The following ANO3 variants were observed in gnomAD, a reference collection of about 807,000 sequenced individuals.
ANO3 encodes anoctamin 3.
Under a neutral mutation model 144.8 loss-of-function variants are expected in ANO3, and 99 were observed. That is an observed-to-expected ratio of 0.68 (90% confidence interval 0.58 to 0.81). ANO3 has a LOEUF of 0.81. Ranked by LOEUF, ANO3 falls within the 30% of genes least tolerant of loss-of-function variation. ANO3 has a pLI of 0.00. For missense variants in ANO3, 905 were observed against 1,202.2 expected (o/e 0.75, Z 3.66); for synonymous variants, 414 against 392.6 (o/e 1.05, Z -0.64).
At chr11:26,563,719 T>A (rs1467556929) in intron 14 of ANO3, among the ~76,000 whole-genome samples, 1 of 151,824 alleles carries the variant, frequency 6.6e-6, no homozygotes, top group Non-Finnish European at 1.5e-5. Flanking sequence ...GAGTCCACCA[T>A]AAACAAATAA....
chr11:26,429,334 T>C (rs72886232), intron 1 of ANO3, among the ~76,000 whole-genome samples: 7,957 of 151,908 alleles, frequency 0.052, 248 homozygotes, highest in African/African-American at 0.08. Context: ...TCAAGGGATA[T>C]CACTTAAGCT....
chr11:26,374,778 C>G (rs1856359167), intron 1 of ANO3, among the ~76,000 whole-genome samples: 1 of 152,196 alleles, frequency 6.6e-6, no homozygotes, highest in African/African-American at 2.4e-5. Flanking sequence ...CAGTCTTGCT[C>G]TGTCACCCAG....
rs1554928270 is a variant in ANO3, at chr11:26,245,014, T to TGC, written c.154+55685_154+55686insCG. ...GTGTGTGTGTGTGTGTGTGTGTGTG[T>TGC]GTGTGTGCATGCATGCATTTGTCTT... On this transcript the variant is annotated intron_variant, in intron 1 of 27. Transcript: ENST00000672621. Among the ~76,000 whole-genome samples, 700 of 106,178 alleles carry TGC rather than the reference T, an allele frequency of 6.6e-3. 12 individuals carry two copies. Among genetic ancestry groups the TGC allele is most frequent in the African/African-American group, 0.022 (662 of 30,116 alleles). The allele number at this position is 106,178 out of a possible 152,430, so 69.7% of individuals were successfully genotyped here.
intron 1 of ANO3, among the ~76,000 whole-genome samples, chr11:26,198,829 G>A (rs796881794): frequency 2.0e-5 from 3 of 152,026 alleles, no homozygotes; most frequent in Non-Finnish European, 2.9e-5. Context: ...CTGGCTTATC[G>A]TTGAGCCAGT....
intron 18 of ANO3, among the ~76,000 whole-genome samples, chr11:26,631,687 G>C (rs868342368): frequency 2.6e-5 from 4 of 152,068 alleles, no homozygotes; most frequent in African/African-American, 9.7e-5. Context: ...CAAGAAAATA[G>C]TAACAGTAAA....
At chr11:26,248,431 CTAA>C (rs1489849168) in intron 1 of ANO3, among the ~76,000 whole-genome samples, 1 of 152,188 alleles carries the variant, frequency 6.6e-6, no homozygotes, top group East Asian at 1.9e-4. Flanking sequence ...AGTTCTTTCC[CTAA>C]TGAGAGGGTT....
chr11:26,400,102 TTTTTTG>T (rs1184166838), intron 1 of ANO3, among the ~76,000 whole-genome samples: 22 of 149,500 alleles, frequency 1.5e-4, no homozygotes, highest in Admixed American at 8.5e-4. Flanking sequence ...AAGCAAAGTT[TTTTTTG>T]TTTTTGTTTT....
intron 1 of ANO3, among the ~76,000 whole-genome samples, chr11:26,228,678 A>C (rs1852310409): frequency 6.6e-6 from 1 of 152,232 alleles, no homozygotes; most frequent in South Asian, 2.1e-4. Flanking sequence ...TCACTATCAG[A>C]GTTTTCTATC....
At chr11:26,576,492 C>T (rs1243127682) in intron 14 of ANO3, among the ~76,000 whole-genome samples, 1 of 152,108 alleles carries the variant, frequency 6.6e-6, no homozygotes, top group Non-Finnish European at 1.5e-5. Context: ...ATTTGCATCT[C>T]TCAGCACATA....
chr11:26,306,628 C>A (rs1404907242), upstream of ANO3, among the ~76,000 whole-genome samples: 1 of 152,126 alleles, frequency 6.6e-6, no homozygotes, highest in African/African-American at 2.4e-5. Flanking sequence ...TGTGCCACCA[C>A]ACTCCAGCCT....
chr11:26,355,316 A>G (rs1855750739), intron 1 of ANO3, among the ~76,000 whole-genome samples: 1 of 152,130 alleles, frequency 6.6e-6, no homozygotes, highest in Non-Finnish European at 1.5e-5. Context: ...TGACTGGATA[A>G]AGAATTCTAA....
chr11:26,486,650 A>G (rs571184489), intron 4 of ANO3, among the ~76,000 whole-genome samples: 17 of 152,314 alleles, frequency 1.1e-4, no homozygotes, highest in Non-Finnish European at 2.4e-4. Flanking sequence ...TTACCCTGAC[A>G]TGAGATCTTA....
intron 13 of ANO3, among the ~76,000 whole-genome samples, chr11:26,555,295 C>T (rs1174719571): frequency 1.3e-5 from 2 of 152,080 alleles, no homozygotes; most frequent in Non-Finnish European, 2.9e-5. Flanking sequence ...TCTCTCCTAG[C>T]CTATGATTTT....
intron 1 of ANO3, among the ~76,000 whole-genome samples, chr11:26,204,448 G>A (rs2133915290): frequency 6.6e-6 from 1 of 152,134 alleles, no homozygotes; most frequent in East Asian, 1.9e-4. Context: ...AAACTTTCAA[G>A]GAAAAAGTAG....
intron 1 of ANO3, among the ~76,000 whole-genome samples, chr11:26,414,838 T>C (rs1857534367): frequency 6.6e-6 from 1 of 152,032 alleles, no homozygotes; most frequent in South Asian, 2.1e-4. Flanking sequence ...TTTTTTGTTT[T>C]CAATGATAAG....
chr11:26,554,867 T>G (rs1380836575), intron 13 of ANO3, among the ~76,000 whole-genome samples: 1 of 152,202 alleles, frequency 6.6e-6, no homozygotes, highest in African/African-American at 2.4e-5. Context: ...TGCCCTTTTT[T>G]GCCTGATGTC....
chr11:26,230,207 C>A (rs1852361355), intron 1 of ANO3, among the ~76,000 whole-genome samples: 1 of 152,060 alleles, frequency 6.6e-6, no homozygotes, highest in Admixed American at 6.5e-5. Flanking sequence ...TATGTTGGAG[C>A]AGACAGCAGA....
Position 26,199,061 on chromosome 11 carries a change from G to C in ANO3, c.154+9731G>C, listed in dbSNP as rs1033518794. ...TCCTAATTAATAGCATTGGCCAGTA[G>C]CCTTGATAGTTATCTTACTATTTCT... is the stretch of plus-strand genomic sequence containing the variant. On this transcript the variant is annotated intron_variant, in intron 1 of 27. Transcript: ENST00000672621. Among the ~76,000 whole-genome samples, 32 of 151,962 alleles carry C rather than the reference G, an allele frequency of 2.1e-4. 1 individual carries two copies. The highest frequency in any genetic ancestry group is 7.5e-4 in the African/African-American group (31 of 41,372).
intron 1 of ANO3, among the ~76,000 whole-genome samples, chr11:26,396,078 A>G (rs1246113671): frequency 6.6e-6 from 1 of 152,180 alleles, no homozygotes; most frequent in Non-Finnish European, 1.5e-5. Context: ...ACTACAAAGA[A>G]CTTAAACAAA....
Sources: gnomAD v4.1 joint callset for allele counts (sites outside exome capture counted in the v4.1 genomes callset) on GRCh38, gnomAD v4.1.1 for gene constraint, MANE v1.5 for transcripts, NCBI Gene and HGNC (gene_info 2026-07-23, HGNC 2026-07-21) for gene names.